The following MTUS2 variants were observed in gnomAD, a reference collection of about 807,000 sequenced individuals.
The protein encoded by MTUS2 is microtubule-associated tumor suppressor candidate 2.
In MTUS2, 40 loss-of-function variants were observed where a neutral mutation model predicts 114.1. That is an observed-to-expected ratio of 0.35 (90% CI 0.27 to 0.46). The LOEUF is 0.46. Among genes scored for constraint, MTUS2 ranks in the 20% least tolerant of loss-of-function variants. The pLI is 1.00. For missense variants in MTUS2, 1,679 were observed against 1,705.4 expected (o/e 0.98, Z 0.27); for synonymous variants, 688 against 672.0 (o/e 1.02, Z -0.37).
chr13:28,897,627 C>T (rs552035371), intron 2 of MTUS2, among the ~76,000 whole-genome samples: 2,678 of 152,142 alleles, frequency 0.018, 86 homozygotes, highest in African/African-American at 0.061. Context: ...GCACTATTCA[C>T]AATAGCAAAG....
At chr13:29,337,274 G>A (rs1901114135) in intron 7 of MTUS2, among the ~76,000 whole-genome samples, 1 of 152,188 alleles carries the variant, frequency 6.6e-6, no homozygotes, top group Non-Finnish European at 1.5e-5. Flanking sequence ...GCCCCTGGTG[G>A]TATAGGCACC....
intron 2 of MTUS2, among the ~76,000 whole-genome samples, chr13:28,936,897 G>T (rs955213818): frequency 5.9e-5 from 9 of 152,160 alleles, no homozygotes; most frequent in Non-Finnish European, 1.5e-5. Context: ...TGTGGCTTCT[G>T]CTACTTGGGA....
intron 1 of MTUS2, among the ~76,000 whole-genome samples, chr13:28,829,968 G>T (rs1235782039): frequency 6.6e-6 from 1 of 152,118 alleles, no homozygotes; most frequent in East Asian, 1.9e-4. Context: ...AGAAGACTAA[G>T]AGTTGTAAAC....
intron 9 of MTUS2, among the ~76,000 whole-genome samples, chr13:29,473,141 A>T (rs1880440289): frequency 6.6e-6 from 1 of 152,110 alleles, no homozygotes; most frequent in Non-Finnish European, 1.5e-5. Flanking sequence ...GTGTATATAT[A>T]ATGGTAACAT....
chr13:29,012,860 C>T (rs562428548), intron 2 of MTUS2, among the ~76,000 whole-genome samples: 37 of 152,020 alleles, frequency 2.4e-4, no homozygotes, highest in African/African-American at 5.8e-4. Context: ...GGTGACAGAG[C>T]GAGACTACAT....
chr13:29,377,650 T>C (rs553314739), intron 8 of MTUS2, among the ~76,000 whole-genome samples: 1 of 134,236 alleles, frequency 7.4e-6, no homozygotes, highest in South Asian at 2.7e-4. Context: ...TTTATGGCAT[T>C]ACATGCACAT....
chr13:29,211,162 A>G (rs894731019), intron 5 of MTUS2, among the ~76,000 whole-genome samples: 10 of 151,794 alleles, frequency 6.6e-5, no homozygotes, highest in Non-Finnish European at 1.3e-4. Flanking sequence ...GTTGTGGAGG[A>G]TGGGGGTGTG....
intron 2 of MTUS2, among the ~76,000 whole-genome samples, chr13:28,845,640 G>A (rs1258401333): frequency 1.3e-5 from 2 of 151,196 alleles, no homozygotes; most frequent in African/African-American, 2.4e-5. Context: ...TCCCTGTTAT[G>A]TTCCCTCTCT....
intron 11 of MTUS2, among the ~76,000 whole-genome samples, chr13:29,492,201 G>GCAT (rs1338791156): frequency 7.6e-4 from 2 of 2,640 alleles, no homozygotes; most frequent in Admixed American, 0.011. Context: ...ATGTGTGTGT[G>GCAT]GTGTGTATGT....
intron 2 of MTUS2, among the ~76,000 whole-genome samples, chr13:28,929,244 G>A (rs1881486536): frequency 1.3e-5 from 2 of 152,166 alleles, no homozygotes. Context: ...AAGAGCTAGT[G>A]TTTGATAGGC....
At chr13:29,410,608 A>G (rs1354270517) in intron 8 of MTUS2, among the ~76,000 whole-genome samples, 2 of 152,086 alleles carry the variant, frequency 1.3e-5, no homozygotes, top group Non-Finnish European at 2.9e-5. Flanking sequence ...ATTTTGAAAG[A>G]GTTTTTTATA....
intron 8 of MTUS2, among the ~76,000 whole-genome samples, chr13:29,375,022 T>TA (rs768657870): frequency 7.9e-5 from 12 of 152,216 alleles, no homozygotes; most frequent in Non-Finnish European, 1.5e-4. Context: ...AAAGAACTGT[T>TA]AAAGAAATTG....
intron 4 of MTUS2, among the ~76,000 whole-genome samples, chr13:29,056,796 A>G (rs1888154905): frequency 6.6e-6 from 1 of 151,844 alleles, no homozygotes; most frequent in Non-Finnish European, 1.5e-5. Flanking sequence ...AATGTTTTAC[A>G]CATCTCAGTT....
intron 8 of MTUS2, among the ~76,000 whole-genome samples, chr13:29,417,488 G>T (rs1875751662): frequency 6.6e-6 from 1 of 151,822 alleles, no homozygotes; most frequent in African/African-American, 2.4e-5. Flanking sequence ...TGTGACCTTT[G>T]GTATTCTTTT....
intron 4 of MTUS2, among the ~76,000 whole-genome samples, chr13:29,090,469 C>T (rs2479798): frequency 0.65 from 98,371 of 151,942 alleles, 32,959 homozygotes; most frequent in Non-Finnish European, 0.74. Flanking sequence ...GGCGAGCCCA[C>T]ACCAGTGGAG....
intron 2 of MTUS2, among the ~76,000 whole-genome samples, chr13:28,849,059 A>G (rs1298380424): frequency 6.6e-6 from 1 of 152,228 alleles, no homozygotes. Context: ...AGTTTCGATG[A>G]TCACTTAGCA....
intron 2 of MTUS2, among the ~76,000 whole-genome samples, chr13:28,844,428 CGT>C (rs1027806344): frequency 2.7e-5 from 4 of 148,740 alleles, no homozygotes; most frequent in Admixed American, 6.7e-5. Flanking sequence ...CGCATGTGTG[CGT>C]GTGTGTGTAT....
chr13:29,253,519 C>T (rs1260645400), intron 5 of MTUS2, among the ~76,000 whole-genome samples: 1 of 152,096 alleles, frequency 6.6e-6, no homozygotes, highest in Non-Finnish European at 1.5e-5. Context: ...CTCAATTTTC[C>T]ACCTCCAGCC....
At chr13:29,226,987 G>A (rs74501839) in intron 5 of MTUS2, among the ~76,000 whole-genome samples, 25,359 of 152,074 alleles carry the variant, frequency 0.17, 2,381 homozygotes, top group East Asian at 0.4. Context: ...GCTGGGGGCG[G>A]TGGGTCATGC....
Sources: gnomAD v4.1 joint callset for allele counts (sites outside exome capture counted in the v4.1 genomes callset) on GRCh38, gnomAD v4.1.1 for gene constraint, MANE v1.5 for transcripts, NCBI Gene and HGNC (gene_info 2026-07-23, HGNC 2026-07-21) for gene names.